WDR72: variants seen among roughly 807,000 people sequenced by gnomAD.
WDR72 encodes WD repeat-containing protein 72.
A neutral mutation model predicts 124.2 loss-of-function variants in WDR72; 120 were observed. That is an observed-to-expected ratio of 0.97 (90% CI 0.83 to 1.12). The LOEUF is 1.12. Ranked by LOEUF, WDR72 falls within the 50% of genes most tolerant of loss-of-function variation. The pLI is 0.00. For missense variants in WDR72, 1,387 were observed against 1,278.8 expected (o/e 1.08, Z -1.29); for synonymous variants, 452 against 441.7 (o/e 1.02, Z -0.29).
chr15:53,711,728 C>T (rs1441086331), intron 7 of WDR72, among the ~76,000 whole-genome samples: 1 of 152,098 alleles, frequency 6.6e-6, no homozygotes, highest in Non-Finnish European at 1.5e-5. Context: ...ATAGAAACCC[C>T]AAATCCCAAA....
intron 14 of WDR72, among the ~76,000 whole-genome samples, chr15:53,660,340 A>G (rs1402532077): frequency 1.1e-4 from 17 of 152,108 alleles, no homozygotes; most frequent in Admixed American, 1.1e-3. Flanking sequence ...TTTTCAGATG[A>G]TATTTTCCAG....
Position 53,665,599 on chromosome 15 carries a change from A to G in WDR72, c.1935T>C (p.Pro645=). ...SPYQLGPLPC[P]GLQVESSCKV... is the part of the protein sequence containing the mutation. ...TACATGAAGACTCCACCTGCAGACCAGGGCAAGGTAATGGCCCAAGCTGGT... is the reference window on the plus strand; with the variant it reads ...TACATGAAGACTCCACCTGCAGACCGGGGCAAGGTAATGGCCCAAGCTGGT... Residue 645 remains proline (P), a synonymous_variant, in exon 14 of 20, where the codon CCT becomes CCC. Transcript: ENST00000360509. The G allele has an allele frequency of 6.2e-7, 1 of 1,613,886 alleles. No individual in the cohort carries two copies. The highest frequency in any genetic ancestry group is 8.5e-7 in the Non-Finnish European group (1 of 1,179,816).
intron 14 of WDR72, among the ~76,000 whole-genome samples, chr15:53,647,625 C>A (rs1389859033): frequency 1.3e-5 from 2 of 152,148 alleles, no homozygotes; most frequent in Non-Finnish European, 2.9e-5. Context: ...CTTTTCCCAG[C>A]ATACGGCTTC....
intron 18 of WDR72, among the ~76,000 whole-genome samples, chr15:53,558,914 A>C (rs1363201612): frequency 6.6e-6 from 1 of 151,970 alleles, no homozygotes; most frequent in Non-Finnish European, 1.5e-5. Flanking sequence ...TAGCCTTTAA[A>C]AATGGGACAT....
At chr15:53,757,691 T>C (rs2018947222) in intron 1 of WDR72, among the ~76,000 whole-genome samples, 1 of 152,192 alleles carries the variant, frequency 6.6e-6, no homozygotes, top group African/African-American at 2.4e-5. Flanking sequence ...CATCCTCTAT[T>C]GTGAGCAACA....
intron 19 of WDR72, among the ~76,000 whole-genome samples, chr15:53,520,746 A>AAGTT (rs1891747945): frequency 6.6e-6 from 1 of 152,078 alleles, no homozygotes; most frequent in South Asian, 2.1e-4. Context: ...TGATATTTTG[A>AAGTT]AGTTAACGTT....
intron 18 of WDR72, among the ~76,000 whole-genome samples, chr15:53,524,743 C>T (rs1892012559): frequency 6.6e-6 from 1 of 152,070 alleles, no homozygotes; most frequent in Non-Finnish European, 1.5e-5. Flanking sequence ...GTTTCTAAAA[C>T]CTTTTTTGGG....
intron 18 of WDR72, among the ~76,000 whole-genome samples, chr15:53,596,051 A>G (rs952056222): frequency 2.6e-5 from 4 of 152,154 alleles, no homozygotes; most frequent in African/African-American, 9.6e-5. Flanking sequence ...ATGAGAAGAA[A>G]TCATTAAGTA....
chr15:53,603,854 C>T (rs1278455694), intron 17 of WDR72, among the ~76,000 whole-genome samples: 2 of 152,102 alleles, frequency 1.3e-5, no homozygotes, highest in Non-Finnish European at 2.9e-5. Flanking sequence ...AATGGAAAAA[C>T]ATTCCATGTT....
chr15:53,741,106 C>T (rs1196263194), intron 1 of WDR72, among the ~76,000 whole-genome samples: 3 of 152,172 alleles, frequency 2.0e-5, no homozygotes, highest in Admixed American at 6.5e-5. Flanking sequence ...ACTTCTGTCT[C>T]ATTTGTCTAT....
chr15:53,707,862 C>T (rs542252665), intron 9 of WDR72, among the ~76,000 whole-genome samples: 1 of 152,300 alleles, frequency 6.6e-6, no homozygotes, highest in South Asian at 2.1e-4. Context: ...CTCTCCCACC[C>T]TTGTATGCAC....
intron 14 of WDR72, among the ~76,000 whole-genome samples, chr15:53,635,434 C>T (rs575837035): frequency 2.0e-5 from 3 of 152,276 alleles, no homozygotes; most frequent in African/African-American, 7.2e-5. Flanking sequence ...TATAGCCCTA[C>T]ACACATGTGG....
intron 9 of WDR72, among the ~76,000 whole-genome samples, chr15:53,706,350 G>GTGTGTATA (rs1431924015): frequency 3.9e-5 from 1 of 25,760 alleles, no homozygotes; most frequent in African/African-American, 1.4e-4. Context: ...GTGTGTGTGT[G>GTGTGTATA]TATATATATA....
intron 18 of WDR72, among the ~76,000 whole-genome samples, chr15:53,525,992 T>C (rs1466228258): frequency 6.6e-6 from 1 of 152,058 alleles, no homozygotes; most frequent in Non-Finnish European, 1.5e-5. Context: ...ATCCTTGCAA[T>C]TGTTCTTTTG....
At chr15:53,625,328 T>C (rs947275872) in intron 14 of WDR72, among the ~76,000 whole-genome samples, 1 of 152,232 alleles carries the variant, frequency 6.6e-6, no homozygotes, top group Non-Finnish European at 1.5e-5. Flanking sequence ...CAACATGTGA[T>C]TTCCAGGTAT....
At chr15:53,630,778 T>C (rs1461678009) in intron 14 of WDR72, among the ~76,000 whole-genome samples, 1 of 152,188 alleles carries the variant, frequency 6.6e-6, no homozygotes, top group Non-Finnish European at 1.5e-5. Flanking sequence ...AACCAAATGC[T>C]TTCCTCGTAA....
chr15:53,523,170 G>C (rs1891892208), intron 19 of WDR72, 48 bp downstream of exon 19: 3 of 1,568,256 alleles, frequency 1.9e-6, no homozygotes, highest in South Asian at 1.1e-5. Context: ...CCCCAAAGCT[G>C]TGTCAAATTT....
intron 14 of WDR72, among the ~76,000 whole-genome samples, chr15:53,649,485 A>G (rs1230620263): frequency 6.6e-6 from 1 of 152,106 alleles, no homozygotes; most frequent in African/African-American, 2.4e-5. Flanking sequence ...AGAGGACCCT[A>G]TCTTAAGTCT....
chr15:53,685,347 A>G (rs1180124882), intron 13 of WDR72, among the ~76,000 whole-genome samples: 1 of 125,396 alleles, frequency 8.0e-6, no homozygotes, highest in African/African-American at 3.1e-5. Context: ...TAGAATAACC[A>G]ATACAGAGAA....
Sources: allele counts gnomAD v4.1 joint callset (sites outside exome capture counted in the v4.1 genomes callset), GRCh38; gene constraint gnomAD v4.1.1; transcripts MANE v1.5; gene names NCBI Gene and HGNC (gene_info 2026-07-23, HGNC 2026-07-21).